RRP1B: variants seen among roughly 807,000 people sequenced by gnomAD.
RRP1B encodes the protein ribosomal RNA processing 1B.
RRP1B carries 56 observed loss-of-function variants against 80.2 expected under a neutral mutation model. The ratio of observed to expected loss-of-function variants is 0.70; its 90% confidence interval spans 0.56 to 0.87. The LOEUF (loss-of-function observed/expected upper bound fraction) is 0.87, where lower values mean the gene tolerates loss of function less well. Among genes scored for constraint, RRP1B ranks in the 40% least tolerant of loss-of-function variants. RRP1B has a pLI of 0.00. For missense variants in RRP1B, 807 were observed against 939.8 expected (o/e 0.86, Z 1.85); for synonymous variants, 351 against 357.6 (o/e 0.98, Z 0.21).
intron 11 of RRP1B, 38 bp from the exon 12 acceptor site, chr21:43,686,766 G>T (rs200537278): frequency 1.9e-6 from 3 of 1,611,508 alleles, no homozygotes; most frequent in East Asian, 2.2e-5. Context: ...AGTCTTGAGC[G>T]CCTGGGGAAG....
chr21:43,659,573 G>GC lies in RRP1B; in HGVS notation c.-89dup. The GC allele has an allele frequency of 8.0e-7, 1 of 1,242,406 alleles. No homozygotes were observed. The highest frequency in any genetic ancestry group is 1.0e-6 in the Non-Finnish European group (1 of 991,896). The allele number at this position is 1,242,406 out of a possible 1,614,324, so 77.0% of individuals were successfully genotyped here. ...CGCCGCCGCCTTCTGTGCAGTCGCGGCCCGGGCGGACGGTGGCTGGCTGCT... is the reference window on the plus strand; with the variant it reads ...CGCCGCCGCCTTCTGTGCAGTCGCGGCCCCGGGCGGACGGTGGCTGGCTGCT... On this transcript the variant is annotated 5_prime_UTR_variant, in exon 1 of 16. Transcript: ENST00000340648. This position sits in a 1 kb window ranked among gnomAD's most constrained non-coding sequence, Gnocchi z 4.2.
Position 43,686,953 on chromosome 21 carries a change from A to T in RRP1B, c.1141+18A>T. The T allele has an allele frequency of 6.2e-7, 1 of 1,610,542 alleles. No individual in the cohort carries two copies. The highest frequency in any genetic ancestry group is 8.5e-7 in the Non-Finnish European group (1 of 1,179,498). ...GGAGAAAGGTAAGCTGTAAAGCTAAAAAGAAGGGCACGACTCAGCCCTTGG... is the reference window on the plus strand; with the variant it reads ...GGAGAAAGGTAAGCTGTAAAGCTAATAAGAAGGGCACGACTCAGCCCTTGG... On this transcript the variant is annotated intron_variant, in intron 12 of 15. Coordinates refer to ENST00000340648, the MANE Select transcript of RRP1B (RefSeq NM_015056.3).
At chr21:43,679,036 T>C (rs924363336) in intron 8 of RRP1B, among the ~76,000 whole-genome samples, 1 of 152,168 alleles carries the variant, frequency 6.6e-6, no homozygotes, top group Non-Finnish European at 1.5e-5. Flanking sequence ...CGTTTTTGTT[T>C]GCTTGGTTGA....
At chr21:43,679,224 G>T (rs2083033981) in intron 8 of RRP1B, among the ~76,000 whole-genome samples, 1 of 149,684 alleles carries the variant, frequency 6.7e-6, no homozygotes, top group Non-Finnish European at 1.5e-5. Flanking sequence ...TTGTTTTTTT[G>T]TGTGTCTTTT....
At chr21:43,671,086 A>T (rs955324867) in intron 2 of RRP1B, among the ~76,000 whole-genome samples, 1 of 152,160 alleles carries the variant, frequency 6.6e-6, no homozygotes, top group Non-Finnish European at 1.5e-5. Flanking sequence ...TGTGAGTCAG[A>T]CTGATGAGGA....
intron 1 of RRP1B, among the ~76,000 whole-genome samples, chr21:43,665,959 AAG>A (rs2082976742): frequency 6.6e-6 from 1 of 152,228 alleles, no homozygotes; most frequent in Non-Finnish European, 1.5e-5. Flanking sequence ...CTTAAACCCA[AAG>A]AGAGGATTTG....
Position 43,688,176 on chromosome 21 carries a change from T to C in RRP1B, c.1802T>C (p.Val601Ala). 1 of 1,575,468 alleles carries C rather than the reference T, an allele frequency of 6.3e-7. No homozygotes were observed. Among genetic ancestry groups the C allele is most frequent in the South Asian group, 1.2e-5 (1 of 86,782 alleles). Residue 601 changes from valine to alanine, a missense_variant, in exon 13 of 16, where the codon GTG (valine) becomes GCG (alanine). By Grantham distance (64) the Val-to-Ala change is moderately conservative. Transcript: ENST00000340648. ...ASLKKRKKMR[V>A]MSNLVEHNGV... ...TTGAAAAAGAGGAAGAAAATGAGAG[T>C]GATGTCAAACTTGGTGGAGCACAAC...
At chr21:43,685,320 C>G (rs1013413037) in intron 10 of RRP1B, among the ~76,000 whole-genome samples, 1 of 152,232 alleles carries the variant, frequency 6.6e-6, no homozygotes, top group Non-Finnish European at 1.5e-5. Context: ...TCTCCTCCCC[C>G]ATGCACCTCC....
intron 9 of RRP1B, 28 bp from the exon 10 acceptor site, chr21:43,684,524 AC>A: frequency 6.3e-7 from 1 of 1,595,310 alleles, no homozygotes; most frequent in Non-Finnish European, 8.6e-7. Context: ...TTGGCTGCAG[AC>A]TTATGTTTAG....
At chr21:43,660,523 T>C (rs1379796174) in intron 1 of RRP1B, among the ~76,000 whole-genome samples, 1 of 151,910 alleles carries the variant, frequency 6.6e-6, no homozygotes, top group Non-Finnish European at 1.5e-5. Flanking sequence ...GATCGCAGCA[T>C]TGCACTCCGG....
chr21:43,667,002 T>C (rs2082980583), intron 1 of RRP1B, among the ~76,000 whole-genome samples: 1 of 151,692 alleles, frequency 6.6e-6, no homozygotes, highest in Non-Finnish European at 1.5e-5. Flanking sequence ...GTATTTCCTA[T>C]AAACTAATAT....
At chr21:43,665,574 T>C (rs879094533) in intron 1 of RRP1B, among the ~76,000 whole-genome samples, 2 of 152,104 alleles carry the variant, frequency 1.3e-5, no homozygotes, top group East Asian at 3.9e-4. Context: ...TGAGATGGAG[T>C]CTTGCTCTGT....
chr21:43,693,388 C>G lies in RRP1B; in HGVS notation c.*5C>G. Reference sequence around the variant, plus strand: ...AGGGCTATGGATTTCTTCTGAGGAGCAGCAGAGTCCCTTGTAAAAGACTGC... The same window carrying G: ...AGGGCTATGGATTTCTTCTGAGGAGGAGCAGAGTCCCTTGTAAAAGACTGC... On this transcript the variant is annotated 3_prime_UTR_variant, in exon 16 of 16. Coordinates refer to ENST00000340648, the MANE Select transcript of RRP1B (RefSeq NM_015056.3). The surrounding 1 kb of genome is among the most constrained non-coding windows in gnomAD (Gnocchi z 4.1). 1 of 1,544,588 alleles carries G rather than the reference C, an allele frequency of 6.5e-7. No individual in the cohort carries two copies. The highest frequency in any genetic ancestry group is 8.7e-7 in the Non-Finnish European group (1 of 1,148,106).
rs1436645688 is a variant in RRP1B at position 43,691,982 on chromosome 21, T to C, written c.2083+480T>C. 6.6e-6 allele frequency among the ~76,000 whole-genome samples: 1 copy of C among 152,110 alleles called. No individual in the cohort carries two copies. The highest frequency in any genetic ancestry group is 2.4e-5 in the African/African-American group (1 of 41,424). On this transcript the variant is annotated intron_variant, in intron 15 of 15. Coordinates refer to ENST00000340648, the MANE Select transcript of RRP1B (RefSeq NM_015056.3). This position sits in a 1 kb window ranked among gnomAD's most constrained non-coding sequence, Gnocchi z 4.2. ...CATTTCTGAGTCAGAAGGAAGCACC[T>C]ATGTGTCTGTCCCTCATCCTCAAAG...
At chr21:43,671,658 G>A (rs2083000008) in intron 2 of RRP1B, among the ~76,000 whole-genome samples, 1 of 151,780 alleles carries the variant, frequency 6.6e-6, no homozygotes, top group Non-Finnish European at 1.5e-5. Context: ...ACAGGCATGA[G>A]CTGCCCAGCC....
chr21:43,672,944 A>G (rs1261920021), intron 3 of RRP1B, among the ~76,000 whole-genome samples: 2 of 152,238 alleles, frequency 1.3e-5, no homozygotes, highest in African/African-American at 4.8e-5. Context: ...AATTCTACAT[A>G]TGATGTATAA....
At chr21:43,675,252 C>T (rs556728928) in intron 6 of RRP1B, 89 bp downstream of exon 6, 13 of 1,278,462 alleles carry the variant, frequency 1.0e-5, no homozygotes, top group East Asian at 2.3e-5. Flanking sequence ...GGTGGCCCTT[C>T]GCATGACCAG....
chr21:43,691,597 A>C lies in RRP1B; in HGVS notation c.2083+95A>C. 1.0e-6 allele frequency: 1 copy of C among 997,148 alleles called. No homozygotes were observed. Among genetic ancestry groups the C allele is most frequent in the South Asian group, 1.3e-5 (1 of 76,698 alleles). The allele number at this position is 997,148 out of a possible 1,614,324, so 61.8% of individuals were successfully genotyped here. A position where few individuals can be genotyped will look rare whatever the true frequency, so the allele number is the denominator to read the frequency against. Reference sequence around the variant, plus strand: ...TGGTTCCACAAGGCGGTCGGGGAAGAGGGGGGTCCTAGCTCCTCACTGCCC... The same window carrying C: ...TGGTTCCACAAGGCGGTCGGGGAAGCGGGGGGTCCTAGCTCCTCACTGCCC... On this transcript the variant is annotated intron_variant, in intron 15 of 15. Transcript: ENST00000340648. This position sits in a 1 kb window ranked among gnomAD's most constrained non-coding sequence, Gnocchi z 4.2.
intron 10 of RRP1B, among the ~76,000 whole-genome samples, chr21:43,685,016 C>G (rs2083057684): frequency 6.6e-6 from 1 of 152,180 alleles, no homozygotes; most frequent in South Asian, 2.1e-4. Flanking sequence ...CCCTCCCTCC[C>G]ATATGGCTAT....
Sources: gnomAD v4.1 joint callset for allele counts (sites outside exome capture counted in the v4.1 genomes callset) on GRCh38, gnomAD v4.1.1 for gene constraint, Gnocchi (gnomAD v3.1) non-coding constraint, MANE v1.5 for transcripts, NCBI Gene and HGNC (gene_info 2026-07-23, HGNC 2026-07-21) for gene names.